The following TBC1D22A variants were observed in gnomAD, a reference collection of about 807,000 sequenced individuals.
The protein encoded by TBC1D22A is TBC1 domain family member 22A.
A neutral mutation model predicts 60.2 loss-of-function variants in TBC1D22A; 38 were observed. The ratio of observed to expected loss-of-function variants is 0.63; its 90% CI spans 0.49 to 0.83. TBC1D22A has a LOEUF of 0.83. TBC1D22A is among the 40% of genes least tolerant of loss of function. TBC1D22A has a pLI of 0.00. For synonymous variants in TBC1D22A, 302 were observed against 281.7 expected (o/e 1.07, Z -0.72); for missense variants, 628 against 701.0 (o/e 0.90, Z 1.18).
intron 12 of TBC1D22A, among the ~76,000 whole-genome samples, chr22:47,163,176 C>T (rs1395694860): frequency 6.6e-6 from 1 of 152,180 alleles, no homozygotes; most frequent in African/African-American, 2.4e-5. Context: ...CCCTGGCTGC[C>T]CCACCCAGAC....
intron 4 of TBC1D22A, among the ~76,000 whole-genome samples, chr22:46,823,253 C>A (rs2085905087): frequency 6.6e-6 from 1 of 152,116 alleles, no homozygotes; most frequent in Admixed American, 6.5e-5. Flanking sequence ...TGACCCACAG[C>A]CTTACAAATC....
intron 4 of TBC1D22A, among the ~76,000 whole-genome samples, chr22:46,851,857 C>T (rs1363232001): frequency 6.6e-6 from 1 of 152,206 alleles, no homozygotes. Flanking sequence ...TGTGCTCTTT[C>T]TGTCTTTCTG....
chr22:46,961,769 G>A (rs2073517472), intron 8 of TBC1D22A, among the ~76,000 whole-genome samples: 1 of 152,200 alleles, frequency 6.6e-6, no homozygotes, highest in Admixed American at 6.5e-5. Flanking sequence ...GGGACCCCAA[G>A]AGCAGCACAG....
At chr22:47,146,808 T>C (rs977336585) in intron 12 of TBC1D22A, among the ~76,000 whole-genome samples, 4 of 152,194 alleles carry the variant, frequency 2.6e-5, no homozygotes, top group Non-Finnish European at 4.4e-5. Flanking sequence ...CCACAGACCT[T>C]GTTCCCTCCT....
In TBC1D22A at chr22:46,793,840, A is replaced by G. The variant is rs2084533971; in HGVS notation, c.459A>G (p.Ala153=). The change falls in exon 3 of 13, where the codon GCA becomes GCG. Residue 153 remains alanine, a splice_region_variant and synonymous_variant. Coordinates refer to ENST00000337137, the MANE Select transcript of TBC1D22A (RefSeq NM_014346.5). The stretch of plus-strand genomic sequence containing the variant: ...GTGAGAGCCACACGTCCTGTCCTGC[A>G]GGTACGATGGGAGGACTGAAGAGAT... ...SVSESHTSCP[A]ESASDAAPLQ... 6.4e-7 allele frequency: 1 copy of G among 1,563,118 alleles called. No individual in the cohort carries two copies. The highest frequency in any genetic ancestry group is 8.6e-7 in the Non-Finnish European group (1 of 1,157,246).
intron 11 of TBC1D22A, among the ~76,000 whole-genome samples, chr22:47,100,203 C>T (rs1376924127): frequency 2.0e-5 from 3 of 152,028 alleles, no homozygotes; most frequent in Non-Finnish European, 4.4e-5. Flanking sequence ...GGTGAGGCGT[C>T]AGGGCACAGG....
chr22:47,088,206 A>G (rs2064779017), intron 11 of TBC1D22A, among the ~76,000 whole-genome samples: 1 of 152,160 alleles, frequency 6.6e-6, no homozygotes, highest in African/African-American at 2.4e-5. Flanking sequence ...CCAGTTATCA[A>G]CCCCAGTGGA....
chr22:46,896,677 G>C (rs738933), intron 7 of TBC1D22A, among the ~76,000 whole-genome samples: 105,471 of 151,978 alleles, frequency 0.69, 37,029 homozygotes, highest in Middle Eastern at 0.86. Flanking sequence ...TTTTTTTGTC[G>C]CAGTATTTAC....
chr22:47,086,494 A>T (rs764865992), intron 11 of TBC1D22A, among the ~76,000 whole-genome samples: 2 of 152,160 alleles, frequency 1.3e-5, no homozygotes, highest in African/African-American at 4.8e-5. Context: ...AACAAACCGT[A>T]GCCTTAATCT....
At chr22:47,047,283 A>G (rs2063063397) in intron 11 of TBC1D22A, among the ~76,000 whole-genome samples, 1 of 152,262 alleles carries the variant, frequency 6.6e-6, no homozygotes, top group Non-Finnish European at 1.5e-5. Context: ...AGGAATACAC[A>G]TAGCCTATTA....
At position 46,853,002 on chromosome 22, in the gene TBC1D22A, A is replaced by G. The variant is rs573118201; in HGVS notation, c.638-25651A>G. On this transcript the variant is annotated intron_variant, in intron 4 of 12. Coordinates refer to ENST00000337137, the MANE Select transcript of TBC1D22A (RefSeq NM_014346.5). ...CATTGCCTGCACACTGTGACCTCCA[A>G]TGCTGCTTCTGTTGGGAGCACGATT... Among the ~76,000 whole-genome samples the G allele has an allele frequency of 5.3e-5, 8 of 152,272 alleles. No individual in the cohort carries two copies. The South Asian group carries it at 8.3e-4, about 16-fold the overall frequency.
intron 10 of TBC1D22A, among the ~76,000 whole-genome samples, chr22:47,032,832 G>A (rs2062525885): frequency 6.6e-6 from 1 of 152,246 alleles, no homozygotes; most frequent in Non-Finnish European, 1.5e-5. Context: ...ACGCAGAGCT[G>A]TGGGCTGGGA....
At chr22:47,033,776 G>A (rs987222334) in intron 10 of TBC1D22A, among the ~76,000 whole-genome samples, 2 of 152,198 alleles carry the variant, frequency 1.3e-5, no homozygotes, top group African/African-American at 2.4e-5. Context: ...GGAAGCCTGC[G>A]TGGTAGCATG....
At chr22:47,047,399 C>T (rs78161353) in intron 11 of TBC1D22A, among the ~76,000 whole-genome samples, 236 of 152,310 alleles carry the variant, frequency 1.5e-3, no homozygotes, top group African/African-American at 5.6e-3. Context: ...TTGAGTAGAT[C>T]ACCTGTGCAG....
chr22:46,978,185 G>A (rs745368378), intron 9 of TBC1D22A, among the ~76,000 whole-genome samples: 48 of 152,206 alleles, frequency 3.2e-4, no homozygotes, highest in Admixed American at 2.3e-3. Context: ...GCAGGGACAC[G>A]GGCTCTGCCA....
chr22:46,958,175 C>G (rs12485033), intron 8 of TBC1D22A, among the ~76,000 whole-genome samples: 2 of 152,136 alleles, frequency 1.3e-5, no homozygotes, highest in East Asian at 1.9e-4. Context: ...TTTTATATTT[C>G]TACATGGCAC....
Position 46,762,662 on chromosome 22 carries a change from C to CGGCTCTA in TBC1D22A, c.-118_-112dup. 2.6e-6 allele frequency: 2 copies of CGGCTCTA among 757,474 alleles called. No homozygotes were observed. The highest frequency in any genetic ancestry group is 3.8e-6 in the Non-Finnish European group (2 of 526,862). The allele number at this position is 757,474 out of a possible 1,614,324, so 46.9% of individuals were successfully genotyped here. A position where few individuals can be genotyped will look rare whatever the true frequency, so the allele number is the denominator to read the frequency against. ...TCCGGAAGGAGGCGGAAGAGCTTCT[C>CGGCTCTA]GGCTCTAGGCTCTGGAGTCCCGGGA... On this transcript the variant is annotated 5_prime_UTR_variant, in exon 1 of 13. Coordinates refer to ENST00000337137, the MANE Select transcript of TBC1D22A (RefSeq NM_014346.5).
intron 12 of TBC1D22A, among the ~76,000 whole-genome samples, chr22:47,155,525 G>A (rs1399699073): frequency 1.3e-5 from 2 of 152,338 alleles, no homozygotes; most frequent in Admixed American, 6.5e-5. Context: ...GGTGGGAGCC[G>A]CCCTGGGGAT....
intron 9 of TBC1D22A, among the ~76,000 whole-genome samples, chr22:46,978,421 C>T (rs2074387897): frequency 6.6e-6 from 1 of 152,164 alleles, no homozygotes; most frequent in Non-Finnish European, 1.5e-5. Flanking sequence ...TTTTTCGAAA[C>T]AAAAATGTTT....
Sources: allele counts gnomAD v4.1 joint callset (sites outside exome capture counted in the v4.1 genomes callset), GRCh38; gene constraint gnomAD v4.1.1; transcripts MANE v1.5; gene names NCBI Gene and HGNC (gene_info 2026-07-23, HGNC 2026-07-21).